AGO4: variants seen among roughly 807,000 people sequenced by gnomAD.
AGO4 encodes the protein protein argonaute-4.
AGO4 carries 33 observed loss-of-function variants against 104.7 expected under a neutral mutation model. The observed-to-expected ratio is 0.32, with a 90% CI of 0.24 to 0.42. AGO4 has a LOEUF of 0.42. Among genes scored for constraint, AGO4 ranks in the 10% least tolerant of loss-of-function variants. The pLI is 1.00. For synonymous variants in AGO4, 331 were observed against 364.7 expected (o/e 0.91, Z 1.05); for missense variants, 711 against 1,083.4 (o/e 0.66, Z 4.83).
At chr1:35,835,140 A>C (rs1312517291) in intron 12 of AGO4, among the ~76,000 whole-genome samples, 1 of 147,926 alleles carries the variant, frequency 6.8e-6, no homozygotes, top group African/African-American at 2.5e-5. Context: ...CCCCCCAAGT[A>C]CTGGGACTAC....
At chr1:35,812,522 T>A (rs1395066682) in intron 1 of AGO4, among the ~76,000 whole-genome samples, 4 of 152,218 alleles carry the variant, frequency 2.6e-5, no homozygotes, top group Non-Finnish European at 5.9e-5. Context: ...AAGTCGTATG[T>A]CCTTAAGCAA....
intron 1 of AGO4, among the ~76,000 whole-genome samples, chr1:35,810,840 T>G (rs1209903025): frequency 6.6e-6 from 1 of 152,158 alleles, no homozygotes; most frequent in Non-Finnish European, 1.5e-5. Context: ...ATTTTTGGGA[T>G]ACCCTGAAAA....
At chr1:35,835,175 G>GC (rs1053617283) in intron 12 of AGO4, among the ~76,000 whole-genome samples, 8 of 151,138 alleles carry the variant, frequency 5.3e-5, no homozygotes, top group South Asian at 2.1e-4. Flanking sequence ...TCCTGCCTCA[G>GC]CCCCCCCAAG....
rs1644194411 is a variant in AGO4, at chr1:35,831,908, A to C, written c.1093A>C (p.Arg365=). 6.2e-7 allele frequency: 1 copy of C among 1,614,130 alleles called. No individual in the cohort carries two copies. The highest frequency in any genetic ancestry group is 2.2e-5 in the East Asian group (1 of 44,878). Residue 365 remains arginine, a synonymous_variant, in exon 9 of 18, where the codon AGA becomes CGA. Coordinates refer to ENST00000373210, the MANE Select transcript of AGO4 (RefSeq NM_017629.4). ...IKATARSAPD[R]QEEISRLVKS... is the part of the protein sequence containing the mutation. The stretch of plus-strand genomic sequence containing the variant: ...AGCTACAGCAAGATCTGCTCCTGAC[A>C]GACAGGAAGAGATCAGTAGACTGGT...
intron 12 of AGO4, among the ~76,000 whole-genome samples, chr1:35,834,947 T>C (rs796318419): frequency 4.0e-5 from 6 of 151,614 alleles, no homozygotes; most frequent in African/African-American, 1.4e-4. Flanking sequence ...CCACCTGCCT[T>C]GGGCTTCCCA....
chr1:35,837,653 T>A (rs1644346731), intron 13 of AGO4, among the ~76,000 whole-genome samples: 1 of 152,214 alleles, frequency 6.6e-6, no homozygotes, highest in South Asian at 2.1e-4. Flanking sequence ...GTGCTGGGAT[T>A]ACAGGCATGA....
intron 6 of AGO4, 97 bp from the exon 7 acceptor site, chr1:35,826,651 T>C (rs1160654698): frequency 2.7e-6 from 3 of 1,091,982 alleles, no homozygotes; most frequent in Non-Finnish European, 4.1e-6. Context: ...ATTTTTATCC[T>C]GTACAATGTC....
At chr1:35,809,780 G>A (rs1026034272) in intron 1 of AGO4, among the ~76,000 whole-genome samples, 5 of 152,132 alleles carry the variant, frequency 3.3e-5, no homozygotes, top group African/African-American at 1.2e-4. Context: ...TCTATAAATT[G>A]AGGGTAATAA....
At chr1:35,851,868 AAG>A (rs1278255164) in intron 17 of AGO4, among the ~76,000 whole-genome samples, 1 of 152,224 alleles carries the variant, frequency 6.6e-6, no homozygotes, top group Admixed American at 6.5e-5. Context: ...TAAGATGAGT[AAG>A]ACATGTTTCT....
At position 35,808,298 on chromosome 1, in the gene AGO4, G is replaced by T. The variant is rs1643363802; in HGVS notation, c.-119G>T. The stretch of plus-strand genomic sequence containing the variant: ...CCCTGCCCAGCGCCCGCGTCTCCGC[G>T]GCGCCACCCCAGCGCCAATATTCCG... On this transcript the variant is annotated 5_prime_UTR_variant, in exon 1 of 18. Coordinates refer to ENST00000373210, the MANE Select transcript of AGO4 (RefSeq NM_017629.4). The surrounding 1 kb of genome is among the most constrained non-coding windows in gnomAD (Gnocchi z 5.2). 1.8e-6 allele frequency: 1 copy of T among 562,660 alleles called. No homozygotes were observed. Among genetic ancestry groups the T allele is most frequent in the South Asian group, 7.2e-5 (1 of 13,800 alleles). The allele number at this position is 562,660 out of a possible 1,614,324, so 34.9% of individuals were successfully genotyped here.
chr1:35,852,274 G>A (rs945063515), intron 17 of AGO4, among the ~76,000 whole-genome samples: 12 of 152,290 alleles, frequency 7.9e-5, no homozygotes, highest in African/African-American at 2.9e-4. Context: ...TCAGAGGAGA[G>A]GGTGAAGTAA....
chr1:35,826,859 ATACAAT>A, intron 7 of AGO4, 24 bp downstream of exon 7: 1 of 1,603,730 alleles, frequency 6.2e-7, no homozygotes, highest in Middle Eastern at 1.7e-4. Flanking sequence ...ATCTAAAGTA[ATACAAT>A]TACATTTTTA....
chr1:35,853,617 A>G lies in AGO4; in HGVS notation c.*12A>G. 6.2e-7 allele frequency: 1 copy of G among 1,612,542 alleles called. No homozygotes were observed. The highest frequency in any genetic ancestry group is 2.2e-5 in the East Asian group (1 of 44,874). ...TGTATTTTGCCTGAGAGTCTCAGAAAAAGAACTCAACCAATTTGGCACCCC... is the reference window on the plus strand; with the variant it reads ...TGTATTTTGCCTGAGAGTCTCAGAAGAAGAACTCAACCAATTTGGCACCCC... On this transcript the variant is annotated 3_prime_UTR_variant, in exon 18 of 18. Coordinates refer to ENST00000373210, the MANE Select transcript of AGO4 (RefSeq NM_017629.4).
In AGO4 at chr1:35,856,547, T is replaced by G. The variant is rs1184461301; in HGVS notation, c.*2942T>G. On this transcript the variant is annotated 3_prime_UTR_variant, in exon 18 of 18. Transcript: ENST00000373210. ...AATTTGGGGATAAGAAGTGGGGACA[T>G]TGGCCGGGCGCGGTGGCTCACGCCT... The G allele has an allele frequency of 6.6e-6, 1 of 152,258 alleles. No homozygotes were observed. The highest frequency in any genetic ancestry group is 1.5e-5 in the Non-Finnish European group (1 of 68,114). The allele number at this position is 152,258 out of a possible 1,614,324, so 9.4% of individuals were successfully genotyped here.
At chr1:35,846,627 ATATT>A (rs1161149741) in intron 15 of AGO4, among the ~76,000 whole-genome samples, 1 of 113,416 alleles carries the variant, frequency 8.8e-6, no homozygotes, top group Admixed American at 9.0e-5. Context: ...ATATATATAT[ATATT>A]TAGGGACAGG....
At position 35,841,249 on chromosome 1, in the gene AGO4, T is replaced by A; in HGVS notation, c.1809T>A (p.Ile603=). The part of the protein sequence containing the change: ...PPAGDGKKPS[I]AAVVGSMDGH... Reference sequence around the variant, plus strand: ...CAGGGGATGGGAAGAAACCTTCCATTGCTGCTGTGGTTGGCAGTATGGATG... The same window carrying A: ...CAGGGGATGGGAAGAAACCTTCCATAGCTGCTGTGGTTGGCAGTATGGATG... The change falls in exon 14 of 18, where the codon ATT becomes ATA. Residue 603 remains isoleucine, a synonymous_variant. Coordinates refer to ENST00000373210, the MANE Select transcript of AGO4 (RefSeq NM_017629.4). This position sits in a 1 kb window ranked among gnomAD's most constrained non-coding sequence, Gnocchi z 4.7. 6.2e-7 allele frequency: 1 copy of A among 1,614,182 alleles called. No homozygotes were observed. Among genetic ancestry groups the A allele is most frequent in the Non-Finnish European group, 8.5e-7 (1 of 1,180,018 alleles).
chr1:35,830,282 CTTG>C (rs1298004306), intron 7 of AGO4, among the ~76,000 whole-genome samples: 2 of 151,896 alleles, frequency 1.3e-5, no homozygotes, highest in African/African-American at 2.4e-5. Flanking sequence ...TGTATTTGGT[CTTG>C]TTGTCTCCAG....
intron 2 of AGO4, among the ~76,000 whole-genome samples, chr1:35,818,225 C>A (rs1351064289): frequency 6.6e-6 from 1 of 151,976 alleles, no homozygotes; most frequent in African/African-American, 2.4e-5. Context: ...TATACGTATG[C>A]AAATACCTAG....
At chr1:35,849,232 T>C (rs1644643557) in intron 15 of AGO4, among the ~76,000 whole-genome samples, 1 of 152,104 alleles carries the variant, frequency 6.6e-6, no homozygotes, top group African/African-American at 2.4e-5. Context: ...TCACCTAATT[T>C]TATAGATGAT....
Sources: allele counts gnomAD v4.1 joint callset (sites outside exome capture counted in the v4.1 genomes callset), GRCh38; gene constraint gnomAD v4.1.1; non-coding constraint Gnocchi (gnomAD v3.1); transcripts MANE v1.5; gene names NCBI Gene and HGNC (gene_info 2026-07-23, HGNC 2026-07-21).